LIN7A: variants seen among roughly 807,000 people sequenced by gnomAD.
The protein encoded by LIN7A is protein lin-7 homolog A.
LIN7A carries 25 observed loss-of-function variants against 29.8 expected under a neutral mutation model. The ratio of observed to expected loss-of-function variants is 0.84; its 90% CI spans 0.61 to 1.17. The LOEUF (loss-of-function observed/expected upper bound fraction) is 1.17. Among genes scored for constraint, LIN7A ranks in the 50% most tolerant of loss-of-function variants. The pLI is 0.00. For synonymous variants in LIN7A, 118 were observed against 107.5 expected, an observed-to-expected ratio of 1.10 and a Z score of -0.60; for missense variants, 239 against 287.0, an observed-to-expected ratio of 0.83 and a Z score of 1.21.
intron 5 of LIN7A, among the ~76,000 whole-genome samples, chr12:80,807,078 T>TTTTTTTTTTTTTG (rs1555221354): frequency 4.3e-5 from 5 of 115,094 alleles, no homozygotes; most frequent in South Asian, 2.6e-4. Flanking sequence ...TTTTTTTTTT[T>TTTTTTTTTTTTTG]TTTTTTTTTT....
chr12:80,845,106 G>T (rs981104306), intron 4 of LIN7A, among the ~76,000 whole-genome samples: 1 of 151,740 alleles, frequency 6.6e-6, no homozygotes, highest in Non-Finnish European at 1.5e-5. Flanking sequence ...GCTTGGTGGC[G>T]GGCGCCTGTA....
intron 4 of LIN7A, among the ~76,000 whole-genome samples, chr12:80,844,242 A>G (rs1436488275): frequency 6.6e-6 from 1 of 152,148 alleles, no homozygotes; most frequent in Non-Finnish European, 1.5e-5. Context: ...TCTAAAGGTC[A>G]ATAAAAAGCT....
Position 80,889,483 on chromosome 12 carries a change from C to T in LIN7A, c.83-114G>A, listed in dbSNP as rs929729118. ...TTGAAAAGCAAGTGGACTTAAATTGCATAATCAGAACTTATATTCATAGCT... is the reference window on the plus strand; with the variant it reads ...TTGAAAAGCAAGTGGACTTAAATTGTATAATCAGAACTTATATTCATAGCT... On this transcript the variant is annotated intron_variant, in intron 1 of 5. Transcript: ENST00000552864. The T allele has an allele frequency of 3.3e-5, 22 of 673,840 alleles. No individual in the cohort carries two copies. In the African/African-American group the frequency reaches 3.5e-4, roughly 11 times the overall value. The allele number at this position is 673,840 out of a possible 1,614,324, so 41.7% of individuals were successfully genotyped here. A position where few individuals can be genotyped will look rare whatever the true frequency, so the allele number is the denominator to read the frequency against.
intron 2 of LIN7A, among the ~76,000 whole-genome samples, chr12:80,881,271 G>A (rs1875020431): frequency 6.6e-6 from 1 of 152,160 alleles, no homozygotes; most frequent in Non-Finnish European, 1.5e-5. Flanking sequence ...TCTGGCTTTT[G>A]TGTCCCATCA....
intron 2 of LIN7A, among the ~76,000 whole-genome samples, chr12:80,886,365 T>C (rs1875326338): frequency 6.6e-6 from 1 of 152,100 alleles, no homozygotes; most frequent in Non-Finnish European, 1.5e-5. Flanking sequence ...CATGCATTCA[T>C]ATTTTATATT....
intron 1 of LIN7A, among the ~76,000 whole-genome samples, chr12:80,923,157 G>A (rs757405377): frequency 6.6e-5 from 10 of 152,294 alleles, no homozygotes; most frequent in South Asian, 2.1e-4. Context: ...TCTTTCTACC[G>A]GAGCTGGAAA....
At chr12:80,837,840 CTCATCA>C (rs112671811) in intron 4 of LIN7A, among the ~76,000 whole-genome samples, 14 of 150,670 alleles carry the variant, frequency 9.3e-5, no homozygotes, top group South Asian at 4.2e-4. Flanking sequence ...CATCATCATC[CTCATCA>C]TCATCATCAT....
chr12:80,841,976 G>C (rs1350098994), intron 4 of LIN7A: 1 of 1,203,804 alleles, frequency 8.3e-7, no homozygotes, highest in Non-Finnish European at 1.1e-6. Flanking sequence ...AAAGGCCTCT[G>C]TATTTTCTAT....
chr12:80,934,587 C>T lies in LIN7A; in HGVS notation c.82+3054G>A, dbSNP rs988875612. Among the ~76,000 whole-genome samples the T allele has an allele frequency of 5.3e-5, 8 of 152,158 alleles. No individual in the cohort carries two copies. The South Asian group carries it at 1.2e-3, about 24-fold the overall frequency. ...TTTGGAAAGCAGTAAATCTTAATTTCGATCCCTAGCTTTGATTTGTTTGCT... is the reference window on the plus strand; with the variant it reads ...TTTGGAAAGCAGTAAATCTTAATTTTGATCCCTAGCTTTGATTTGTTTGCT... On this transcript the variant is annotated intron_variant, in intron 1 of 5. Transcript: ENST00000552864.
At chr12:80,935,813 G>A in intron 1 of LIN7A, 1 of 499,168 alleles carries the variant, frequency 2.0e-6, no homozygotes, top group Non-Finnish European at 4.3e-6. Context: ...AGGACAAGTA[G>A]AGTTTGGCTG....
At chr12:80,860,620 G>T (rs1248102622) in intron 2 of LIN7A, among the ~76,000 whole-genome samples, 1 of 152,136 alleles carries the variant, frequency 6.6e-6, no homozygotes, top group East Asian at 1.9e-4. Context: ...ATGCTGGCAG[G>T]AATCAAAGTC....
rs1048097346 is a variant in LIN7A at position 80,793,673 on chromosome 12, T to G, written c.*4054A>C. On this transcript the variant is annotated 3_prime_UTR_variant, in exon 6 of 6. Transcript: ENST00000552864. Reference sequence around the variant, plus strand: ...CATCTGAGTAAGTATGTGATTAAACTTCAGCTTAGTGTATTCCAGGAATCA... The same window carrying G: ...CATCTGAGTAAGTATGTGATTAAACGTCAGCTTAGTGTATTCCAGGAATCA... The G allele has an allele frequency of 3.9e-5, 6 of 152,180 alleles. No homozygotes were observed. The highest frequency in any genetic ancestry group is 9.7e-5 in the African/African-American group (4 of 41,440). 9.4% of individuals were successfully genotyped at this position (152,180 alleles called of 1,614,324 possible). A position where few individuals can be genotyped will look rare whatever the true frequency, so the allele number is the denominator to read the frequency against.
intron 1 of LIN7A, among the ~76,000 whole-genome samples, chr12:80,900,019 G>A (rs1050437281): frequency 3.4e-4 from 51 of 151,590 alleles, no homozygotes; most frequent in African/African-American, 7.2e-4. Context: ...TGCCCGCCTC[G>A]GCCTCCCTCC....
rs141072425 is a variant in LIN7A, at chr12:80,850,703, G to A, written c.202-2381C>T. Among the ~76,000 whole-genome samples, 455 of 152,274 alleles carry A rather than the reference G, an allele frequency of 3.0e-3. 6 individuals are homozygous for A. Among genetic ancestry groups the A allele is most frequent in the Admixed American group, 0.026 (391 of 15,286 alleles). ...CCAAAATGTCAATAGGGCTGAGATT[G>A]AGAAATCCTGATCTAAGGAATTAAG... On this transcript the variant is annotated intron_variant, in intron 2 of 5. Transcript: ENST00000552864.
intron 2 of LIN7A, among the ~76,000 whole-genome samples, chr12:80,863,817 A>G (rs764989804): frequency 3.3e-5 from 5 of 152,168 alleles, no homozygotes; most frequent in Non-Finnish European, 7.3e-5. Context: ...ATGCTTAACC[A>G]TAGGGTAAGG....
At chr12:80,815,611 T>G (rs1871493463) in intron 4 of LIN7A, among the ~76,000 whole-genome samples, 1 of 152,210 alleles carries the variant, frequency 6.6e-6, no homozygotes, top group South Asian at 2.1e-4. Context: ...CAGTGTAAGT[T>G]TGAGCAATCA....
intron 1 of LIN7A, among the ~76,000 whole-genome samples, chr12:80,906,338 G>A (rs990551553): frequency 1.2e-4 from 18 of 152,156 alleles, no homozygotes; most frequent in African/African-American, 3.4e-4. Flanking sequence ...AAAAGCTGGG[G>A]CTTTAACTAG....
At chr12:80,916,702 G>T (rs1321730345) in intron 1 of LIN7A, among the ~76,000 whole-genome samples, 2 of 152,174 alleles carry the variant, frequency 1.3e-5, no homozygotes, top group Non-Finnish European at 1.5e-5. Context: ...GCATACAGGT[G>T]CTTTGGAAGT....
chr12:80,820,183 G>C lies in LIN7A; in HGVS notation c.484-8500C>G, dbSNP rs547582350. Reference sequence around the variant, plus strand: ...TTAGGTAAAGAAGGAACGTGCAGGAGATTTACCTGATAGGAGCATGCATAA... The same window carrying C: ...TTAGGTAAAGAAGGAACGTGCAGGACATTTACCTGATAGGAGCATGCATAA... On this transcript the variant is annotated intron_variant, in intron 4 of 5. Transcript: ENST00000552864. Among the ~76,000 whole-genome samples the C allele has an allele frequency of 3.3e-5, 5 of 152,284 alleles. No individual in the cohort carries two copies. In the South Asian group the frequency reaches 8.3e-4, roughly 25 times the overall value.
Sources: allele counts gnomAD v4.1 joint callset (sites outside exome capture counted in the v4.1 genomes callset), GRCh38; gene constraint gnomAD v4.1.1; transcripts MANE v1.5; gene names NCBI Gene and HGNC (gene_info 2026-07-23, HGNC 2026-07-21).